FGD4: variants seen among roughly 807,000 people sequenced by gnomAD.
FGD4 encodes FYVE, RhoGEF and PH domain containing 4.
In FGD4, 42 loss-of-function variants were observed where a neutral mutation model predicts 102.0. The observed-to-expected ratio is 0.41, with a 90% confidence interval of 0.32 to 0.53. The LOEUF (loss-of-function observed/expected upper bound fraction) is 0.53. Ranked by LOEUF, FGD4 falls within the 20% of genes least tolerant of loss-of-function variation. The pLI is 0.21. For synonymous variants in FGD4, 380 were observed against 375.7 expected, an observed-to-expected ratio of 1.01 and a Z score of -0.13; for missense variants, 902 against 1,078.2, an observed-to-expected ratio of 0.84 and a Z score of 2.29.
At chr12:32,618,744 G>T (rs1413850712) in intron 10 of FGD4, among the ~76,000 whole-genome samples, 1 of 152,150 alleles carries the variant, frequency 6.6e-6, no homozygotes, top group Non-Finnish European at 1.5e-5. Flanking sequence ...GCCAAGGCAG[G>T]AGGATTGCTT....
chr12:32,502,322 A>G, intron 1 of FGD4: 1 of 985,434 alleles, frequency 1.0e-6, no homozygotes, highest in Non-Finnish European at 1.2e-6. Flanking sequence ...AAGAGGAATA[A>G]ATTCAGCTTT....
rs200030176 is a variant in FGD4, at chr12:32,633,700, T to C, written c.2313+11T>C. 5.1e-6 allele frequency: 8 copies of C among 1,581,600 alleles called. No homozygotes were observed. In the East Asian group the frequency reaches 1.3e-4, roughly 27 times the overall value. On this transcript the variant is annotated intron_variant, in intron 15 of 16. Coordinates refer to ENST00000534526, the MANE Select transcript of FGD4 (RefSeq NM_001370298.3). ...AAAGGAATTTTAGAGGTAAGAAATA[T>C]TAAATATTGGATATCTTTTAGATTA...
chr12:32,525,887 A>G (rs550889065), intron 1 of FGD4, among the ~76,000 whole-genome samples: 82 of 152,292 alleles, frequency 5.4e-4, no homozygotes, highest in African/African-American at 5.5e-4. Flanking sequence ...TCGATTTCTC[A>G]CCGGGCCTTA....
At chr12:32,592,417 A>G (rs1267802524) in intron 4 of FGD4, among the ~76,000 whole-genome samples, 1 of 152,038 alleles carries the variant, frequency 6.6e-6, no homozygotes, top group Non-Finnish European at 1.5e-5. Flanking sequence ...TTTTTTTCTT[A>G]GACTTCAGTA....
At chr12:32,458,899 A>T (rs1246993385) in intron 1 of FGD4, among the ~76,000 whole-genome samples, 1 of 152,236 alleles carries the variant, frequency 6.6e-6, no homozygotes. Context: ...ACCAAAGAGG[A>T]AACAGGCTCA....
intron 1 of FGD4, among the ~76,000 whole-genome samples, chr12:32,468,976 C>G (rs988729827): frequency 3.3e-5 from 5 of 151,930 alleles, no homozygotes; most frequent in African/African-American, 1.2e-4. Flanking sequence ...CAGGCGCCTG[C>G]CACCACACCT....
chr12:32,483,380 C>A (rs532313936), intron 1 of FGD4, among the ~76,000 whole-genome samples: 1 of 152,240 alleles, frequency 6.6e-6, no homozygotes, highest in South Asian at 2.1e-4. Flanking sequence ...CATTTTTCTA[C>A]GGCTAGATCC....
rs11052123 is a variant in FGD4, at chr12:32,644,303, G to T, written c.*3770G>T. On this transcript the variant is annotated 3_prime_UTR_variant, in exon 17 of 17. Coordinates refer to ENST00000534526, the MANE Select transcript of FGD4 (RefSeq NM_001370298.3). ...ATTAGAATCAAACTTCTTGTTATTT[G>T]CATACTATTATCTACTATAGATTCT... 68,887 of 151,698 alleles carry T rather than the reference G, an allele frequency of 0.45. 15,939 individuals carry two copies. The highest frequency in any genetic ancestry group is 0.62 in the Middle Eastern group (181 of 294). 9.4% of individuals were successfully genotyped at this position (151,698 alleles called of 1,614,324 possible).
chr12:32,613,967 T>C (rs1028640766), intron 10 of FGD4, among the ~76,000 whole-genome samples: 1 of 152,098 alleles, frequency 6.6e-6, no homozygotes, highest in African/African-American at 2.4e-5. Context: ...TACAAATGGG[T>C]AACTAATTTT....
intron 1 of FGD4, among the ~76,000 whole-genome samples, chr12:32,487,150 T>A (rs888506168): frequency 3.3e-5 from 5 of 152,192 alleles, no homozygotes; most frequent in Non-Finnish European, 7.3e-5. Context: ...AAATTCTGTT[T>A]TATAAATAAT....
At chr12:32,528,571 A>C (rs145191016) in intron 1 of FGD4, among the ~76,000 whole-genome samples, 45 of 152,000 alleles carry the variant, frequency 3.0e-4, no homozygotes, top group Non-Finnish European at 3.1e-4. Context: ...TTGTATTTTT[A>C]GTAGAGATGA....
At chr12:32,518,973 G>T (rs1438812147) in intron 1 of FGD4, among the ~76,000 whole-genome samples, 5 of 151,458 alleles carry the variant, frequency 3.3e-5, no homozygotes, top group African/African-American at 4.9e-5. Context: ...AAATTAGCCG[G>T]GTGTGGTGGC....
chr12:32,617,103 C>T (rs917220588), intron 10 of FGD4, among the ~76,000 whole-genome samples: 3 of 152,186 alleles, frequency 2.0e-5, no homozygotes, highest in Non-Finnish European at 4.4e-5. Flanking sequence ...AAACACTTAC[C>T]ATTAAGCCCC....
chr12:32,631,548 G>A (rs542382377), intron 14 of FGD4, among the ~76,000 whole-genome samples: 332 of 132,314 alleles, frequency 2.5e-3, no homozygotes, highest in Non-Finnish European at 3.9e-3. Flanking sequence ...TCTGTCACCC[G>A]GGCTGGAGTG....
intron 15 of FGD4, among the ~76,000 whole-genome samples, chr12:32,637,319 G>A (rs554940623): frequency 5.9e-5 from 9 of 151,976 alleles, no homozygotes; most frequent in Non-Finnish European, 8.8e-5. Context: ...AGGCTTGGCC[G>A]GGCATGGTGG....
chr12:32,551,178 A>G (rs1243430134), intron 1 of FGD4, among the ~76,000 whole-genome samples: 1 of 152,174 alleles, frequency 6.6e-6, no homozygotes, highest in Non-Finnish European at 1.5e-5. Context: ...GGGTGGTAGG[A>G]AAATAGAACT....
At chr12:32,534,798 A>C (rs1336677710) in intron 1 of FGD4, among the ~76,000 whole-genome samples, 1 of 152,224 alleles carries the variant, frequency 6.6e-6, no homozygotes, top group African/African-American at 2.4e-5. Context: ...AGAAATATAG[A>C]GAAAGAAAGG....
At chr12:32,594,669 C>G (rs1409390646) in intron 4 of FGD4, among the ~76,000 whole-genome samples, 3 of 152,236 alleles carry the variant, frequency 2.0e-5, no homozygotes, top group South Asian at 4.1e-4. Flanking sequence ...TGTCAAAACT[C>G]CTGGAACTGT....
intron 12 of FGD4, 69 bp downstream of exon 12, chr12:32,624,521 T>C (rs949272095): frequency 1.3e-5 from 17 of 1,270,082 alleles, no homozygotes; most frequent in Non-Finnish European, 1.7e-5. Flanking sequence ...TCACCCAGTC[T>C]GGAGTGCAGT....
Sources: gnomAD v4.1 joint callset for allele counts (sites outside exome capture counted in the v4.1 genomes callset) on GRCh38, gnomAD v4.1.1 for gene constraint, MANE v1.5 for transcripts, NCBI Gene and HGNC (gene_info 2026-07-23, HGNC 2026-07-21) for gene names.